Variants in MRPL20 observed in about 807,000 individuals in gnomAD.
MRPL20 encodes large ribosomal subunit protein bL20m.
MRPL20 carries 21 observed loss-of-function variants against 20.0 expected under a neutral mutation model. The ratio of observed to expected loss-of-function variants is 1.05; its 90% confidence interval spans 0.74 to 1.51. MRPL20 has a LOEUF of 1.51. MRPL20 is among the 40% of genes most tolerant of loss of function. The pLI, the probability that MRPL20 is intolerant of heterozygous loss-of-function variation, is 0.00. For synonymous variants in MRPL20, 104 were observed against 73.0 expected, an observed-to-expected ratio of 1.43 and a Z score of -2.17; for missense variants, 252 against 185.6, an observed-to-expected ratio of 1.36 and a Z score of -2.08.
intron 2 of MRPL20, chr1:1,406,351 G>A (rs1645383844): frequency 5.6e-6 from 1 of 177,052 alleles, no homozygotes; most frequent in South Asian, 1.1e-4. Context: ...CTCCGTCTCG[G>A]GGTAAGAAAA....
chr1:1,405,696 C>G (rs966491924), intron 3 of MRPL20, 113 bp downstream of exon 3: 9 of 1,571,094 alleles, frequency 5.7e-6, no homozygotes, highest in Admixed American at 1.7e-5. Flanking sequence ...CTCCAGGGAT[C>G]CTCTGGCCTC....
At chr1:1,403,875 A>C (rs1645357466) in intron 3 of MRPL20, among the ~76,000 whole-genome samples, 1 of 151,916 alleles carries the variant, frequency 6.6e-6, no homozygotes, top group Non-Finnish European at 1.5e-5. Flanking sequence ...ACAGTCACAC[A>C]CTGTCGCCCA....
At chr1:1,402,351 A>G (rs1645339393) in intron 3 of MRPL20, 95 bp from the exon 4 acceptor site, 2 of 1,476,868 alleles carry the variant, frequency 1.4e-6, no homozygotes, top group South Asian at 2.8e-5. Flanking sequence ...ACCCAGCTGC[A>G]CACTCGCCTG....
At chr1:1,403,283 G>A (rs372345352) in intron 3 of MRPL20, among the ~76,000 whole-genome samples, 25 of 151,548 alleles carry the variant, frequency 1.6e-4, no homozygotes, top group Admixed American at 1.6e-3. Flanking sequence ...TCACTGTGTC[G>A]CCCAAGCTGG....
intron 2 of MRPL20, chr1:1,406,610 G>A (rs1017472703): frequency 9.1e-6 from 4 of 437,242 alleles, no homozygotes; most frequent in African/African-American, 2.0e-5. Context: ...GCCACCGGAG[G>A]GATGAGAGCA....
At chr1:1,406,712 T>C in intron 2 of MRPL20, 197 bp downstream of exon 2, 2 of 482,324 alleles carry the variant, frequency 4.1e-6, no homozygotes, top group Non-Finnish European at 7.2e-6. Flanking sequence ...GGGGTGACAG[T>C]GGGGGTGGCG....
chr1:1,407,283 G>A lies in MRPL20; in HGVS notation c.-66C>T, dbSNP rs1645395071. The A allele has an allele frequency of 1.4e-6, 2 of 1,427,016 alleles. No homozygotes were observed. The highest frequency in any genetic ancestry group is 1.4e-5 in the African/African-American group (1 of 70,572). The allele number at this position is 1,427,016 out of a possible 1,614,324, so 88.4% of individuals were successfully genotyped here. ...GCGCAGCGCCGCTGCCATCTTGCCC[G>A]GGTCGGAAATGGTGGTCACGAGCGC... On this transcript the variant is annotated 5_prime_UTR_variant, in exon 1 of 4. Coordinates refer to ENST00000344843, the MANE Select transcript of MRPL20 (RefSeq NM_017971.4).
chr1:1,405,814 C>G lies in MRPL20; in HGVS notation c.271G>C (p.Val91Leu). The change falls in exon 3 of 4, where the codon GTT becomes CTT. Residue 91 changes from valine (V) to leucine (L), a missense_variant. By Grantham distance (32) the Val-to-Leu change is conservative (BLOSUM62 1). Transcript: ENST00000344843. Reference sequence around the variant, plus strand: ...ACCCACATACTCACCCATACCTTAACTAAATTCCCAATGAGCGCTGGATAC... The same window carrying G: ...ACCCACATACTCACCCATACCTTAAGTAAATTCCCAATGAGCGCTGGATAC... Reference protein sequence around the residue: ...LKYPALIGNLVKCQVELNRKV... With the variant: ...LKYPALIGNLLKCQVELNRKV... 1.2e-6 allele frequency: 2 copies of G among 1,614,168 alleles called. No individual in the cohort carries two copies. The highest frequency in any genetic ancestry group is 2.2e-5 in the East Asian group (1 of 44,886).
chr1:1,404,412 C>A (rs1417077932), intron 3 of MRPL20, among the ~76,000 whole-genome samples: 2 of 152,058 alleles, frequency 1.3e-5, no homozygotes, highest in African/African-American at 2.4e-5. Context: ...CCTCAGCCTC[C>A]CAAAGTGCTG....
At chr1:1,405,907 G>A (rs759675176) in intron 2 of MRPL20, 21 bp from the exon 3 acceptor site, 4 of 1,597,390 alleles carry the variant, frequency 2.5e-6, no homozygotes, top group East Asian at 4.5e-5. Context: ...AAAACATGAA[G>A]ATACTTAAAA....
rs755587276 is a variant in MRPL20 at position 1,405,790 on chromosome 1, C to T, written c.276+19G>A. The T allele has an allele frequency of 7.4e-6, 12 of 1,613,996 alleles. No individual in the cohort carries two copies. Among genetic ancestry groups the T allele is most frequent in the African/African-American group, 1.3e-5 (1 of 74,906 alleles). On this transcript the variant is annotated intron_variant, in intron 3 of 3. Coordinates refer to ENST00000344843, the MANE Select transcript of MRPL20 (RefSeq NM_017971.4). ...GCAGATGTCCAGAATTTCAGTGGGA[C>T]CCACATACTCACCCATACCTTAACT...
chr1:1,403,801 C>T (rs1645356126), intron 3 of MRPL20, among the ~76,000 whole-genome samples: 1 of 152,160 alleles, frequency 6.6e-6, no homozygotes, highest in Non-Finnish European at 1.5e-5. Flanking sequence ...TCTGTAAGTT[C>T]CTATTTCACC....
At chr1:1,406,808 G>A (rs1417032864) in intron 2 of MRPL20, 101 bp downstream of exon 2, 8 of 983,766 alleles carry the variant, frequency 8.1e-6, no homozygotes, top group Non-Finnish European at 1.3e-5. Context: ...GAAAGGAAGG[G>A]GCTGAGGGTG....
intron 3 of MRPL20, among the ~76,000 whole-genome samples, chr1:1,402,969 A>C (rs1645347238): frequency 6.6e-6 from 1 of 152,072 alleles, no homozygotes; most frequent in Admixed American, 6.5e-5. Flanking sequence ...TCTACCAAAA[A>C]TACAAAAAAA....
chr1:1,405,699 C>T, intron 3 of MRPL20, 110 bp downstream of exon 3: 1 of 1,582,694 alleles, frequency 6.3e-7, no homozygotes, highest in African/African-American at 1.3e-5. Context: ...CAGGGATCCT[C>T]TGGCCTCAGC....
At position 1,402,033 on chromosome 1, in the gene MRPL20, C is replaced by G. The variant is rs182493789; in HGVS notation, c.*50G>C. The stretch of plus-strand genomic sequence containing the variant: ...TAGATAAACAAAAGTATAAATCAAA[C>G]AAACTGCAAATTACTCTGTCTCTTT... On this transcript the variant is annotated 3_prime_UTR_variant, in exon 4 of 4. Transcript: ENST00000344843. 282 of 1,564,996 alleles carry G rather than the reference C, an allele frequency of 1.8e-4. No individual in the cohort carries two copies. In the African/African-American group the frequency reaches 3.5e-3, roughly 19 times the overall value.
intron 3 of MRPL20, 117 bp from the exon 4 acceptor site, chr1:1,402,373 G>T: frequency 7.0e-7 from 1 of 1,429,670 alleles, no homozygotes; most frequent in Non-Finnish European, 9.1e-7. Context: ...GGGGAGGGAA[G>T]GCCTAGGAGA....
At position 1,405,886 on chromosome 1, in the gene MRPL20, G is replaced by A; in HGVS notation, c.199C>T (p.Leu67Phe). 7 of 1,606,472 alleles carry A rather than the reference G, an allele frequency of 4.4e-6. No individual in the cohort carries two copies. Among genetic ancestry groups the A allele is most frequent in the South Asian group, 2.2e-5 (2 of 90,662 alleles). ...GCAGCTGTAATTCGATTAATCCAGA[G>A]CTGAAATAAGAAAACATGAAGATAC... ...RYLKKKNMRT[L>F]WINRITAASQ... The change falls in exon 3 of 4, where the codon CTC becomes TTC. Residue 67 changes from leucine to phenylalanine, a missense_variant and splice_region_variant. Leu to Phe is a conservative substitution (Grantham distance 22, BLOSUM62 0). Transcript: ENST00000344843.
At chr1:1,404,229 C>G (rs112610278) in intron 3 of MRPL20, among the ~76,000 whole-genome samples, 3,130 of 151,784 alleles carry the variant, frequency 0.021, 81 homozygotes, top group African/African-American at 0.055. Context: ...TCTCAGCTCA[C>G]TGCAATCTCC....
Sources: gnomAD v4.1 joint callset for allele counts (sites outside exome capture counted in the v4.1 genomes callset) on GRCh38, gnomAD v4.1.1 for gene constraint, MANE v1.5 for transcripts, NCBI Gene and HGNC (gene_info 2026-07-23, HGNC 2026-07-21) for gene names.